Variants in TJP1 observed in about 807,000 individuals in gnomAD.
TJP1 encodes the protein tight junction protein ZO-1.
TJP1 carries 43 observed loss-of-function variants against 194.2 expected under a neutral mutation model. That is an observed-to-expected ratio of 0.22 (90% confidence interval 0.17 to 0.29). The LOEUF (loss-of-function observed/expected upper bound fraction) is 0.29, where lower values mean the gene tolerates loss of function less well. Among genes scored for constraint, TJP1 ranks in the 10% least tolerant of loss-of-function variants. The pLI is 1.00. For synonymous variants in TJP1, 801 were observed against 779.0 expected (o/e 1.03, Z -0.47); for missense variants, 1,971 against 2,185.7 (o/e 0.90, Z 1.96).
At chr15:29,741,006 ATTTTT>A in intron 10 of TJP1, 1 of 173,336 alleles carries the variant, frequency 5.8e-6, no homozygotes, top group Non-Finnish European at 1.1e-5. Context: ...AGAAACACTG[ATTTTT>A]TTTTTTTTTT....
At chr15:29,892,315 AAAG>A (rs2053338578) in intron 2 of TJP1, among the ~76,000 whole-genome samples, 1 of 152,228 alleles carries the variant, frequency 6.6e-6, no homozygotes, top group Non-Finnish European at 1.5e-5. Flanking sequence ...AGGTTTAAGG[AAAG>A]AAGCCATCTC....
At chr15:29,944,283 G>A (rs2055196772) in intron 2 of TJP1, among the ~76,000 whole-genome samples, 1 of 151,646 alleles carries the variant, frequency 6.6e-6, no homozygotes, top group South Asian at 2.1e-4. Context: ...TTTTAGTAGA[G>A]ACGGGGTTTC....
intron 1 of TJP1, among the ~76,000 whole-genome samples, chr15:29,967,311 C>T (rs1006731752): frequency 4.0e-5 from 6 of 151,802 alleles, no homozygotes; most frequent in Non-Finnish European, 8.8e-5. Flanking sequence ...GCTGGGATTA[C>T]AGGTGTGAGC....
intron 22 of TJP1, 130 bp from the exon 23 acceptor site, chr15:29,716,968 G>T: frequency 2.6e-6 from 2 of 782,870 alleles, no homozygotes; most frequent in Non-Finnish European, 4.0e-6. Flanking sequence ...GAGGATCTGA[G>T]CAGTCCCAAC....
At chr15:29,886,444 C>A (rs1464053522) in intron 2 of TJP1, among the ~76,000 whole-genome samples, 1 of 151,536 alleles carries the variant, frequency 6.6e-6, no homozygotes, top group Non-Finnish European at 1.5e-5. Flanking sequence ...TAAACAATTA[C>A]ATTTAATTTA....
chr15:29,745,509 G>T (rs1340753640), intron 8 of TJP1, among the ~76,000 whole-genome samples: 1 of 152,212 alleles, frequency 6.6e-6, no homozygotes, highest in Admixed American at 6.5e-5. Context: ...TAGAAATTCG[G>T]AAGCCATAAA....
Position 29,968,679 on chromosome 15 carries a change from T to C in TJP1, c.161A>G (p.Lys54Arg), listed in dbSNP as rs771457099. The C allele has an allele frequency of 1.9e-5, 22 of 1,128,208 alleles. No individual in the cohort carries two copies. In the South Asian group the frequency reaches 4.0e-4, roughly 21 times the overall value. The allele number at this position is 1,128,208 out of a possible 1,614,324, so 69.9% of individuals were successfully genotyped here. A position where few individuals can be genotyped will look rare whatever the true frequency, so the allele number is the denominator to read the frequency against. ...GCGGCCGCCTCACCACAGCTTCCTC[T>C]TGAGCGGCAGGAGGCTGCCGCGGTT... Residue 54 changes from lysine to arginine, a missense_variant, in exon 1 of 29, where the codon AAG becomes AGG. By Grantham distance (26) the Lys-to-Arg change is conservative (BLOSUM62 2). Transcript: ENST00000356107.
intron 16 of TJP1, 120 bp from the exon 17 acceptor site, chr15:29,727,111 A>T: frequency 1.2e-6 from 1 of 811,200 alleles, no homozygotes; most frequent in African/African-American, 1.7e-5. Flanking sequence ...TGGGAGGTCG[A>T]GGTGGGTGAA....
chr15:29,891,841 T>A (rs759425900), intron 2 of TJP1, among the ~76,000 whole-genome samples: 10 of 152,292 alleles, frequency 6.6e-5, no homozygotes, highest in Admixed American at 2.0e-4. Flanking sequence ...TTCCCTGAGA[T>A]ACAACATTAT....
chr15:29,726,853 A>G lies in TJP1; in HGVS notation c.2239T>C (p.Ser747Pro). ...KTMRMRLCPE[S>P]RKSARKLYER... ...TATAACTTCCTGGCACTTTTCCGAG[A>G]TTCTGGACATAACCTCATTCTCATT... The change falls in exon 17 of 28, where the codon TCT becomes CCT. Residue 747 changes from serine to proline, a missense_variant. Around this residue, in one of 5 missense-constraint regions of TJP1, gnomAD observed 402 missense variants for 484.2 expected, o/e 0.83. Transcript: ENST00000614355. 1 of 1,614,170 alleles carries G rather than the reference A, an allele frequency of 6.2e-7. No individual in the cohort carries two copies. The highest frequency in any genetic ancestry group is 1.7e-5 in the Admixed American group (1 of 60,020).
chr15:29,823,509 A>C (rs1400946383), upstream of TJP1: 2 of 152,248 alleles, frequency 1.3e-5, no homozygotes, highest in Non-Finnish European at 2.9e-5. Context: ...GAAGAAATGG[A>C]AGAAATCATA....
intron 2 of TJP1, among the ~76,000 whole-genome samples, chr15:29,871,116 A>G (rs185623641): frequency 1.3e-3 from 205 of 152,270 alleles, no homozygotes; most frequent in Non-Finnish European, 2.3e-3. Context: ...ATACTCCTCT[A>G]AAGACGGCAC....
intron 2 of TJP1, among the ~76,000 whole-genome samples, chr15:29,897,508 G>A (rs1467793057): frequency 6.6e-6 from 1 of 152,222 alleles, no homozygotes; most frequent in African/African-American, 2.4e-5. Flanking sequence ...CCCTACTGGG[G>A]CACTGCCTAG....
intron 18 of TJP1, among the ~76,000 whole-genome samples, chr15:29,722,774 G>A (rs1015621473): frequency 2.0e-5 from 3 of 152,210 alleles, no homozygotes; most frequent in Non-Finnish European, 4.4e-5. Context: ...GGAGCTGCAG[G>A]GGCTGTGCCC....
At chr15:29,968,554 G>A in intron 1 of TJP1, 3 of 807,286 alleles carry the variant, frequency 3.7e-6, no homozygotes, top group Non-Finnish European at 4.5e-6. Context: ...CCCGACAGTC[G>A]CGGCCTCGCC....
At chr15:29,720,176 C>T (rs1046468122) in intron 19 of TJP1, 160 bp from the exon 20 acceptor site, 1 of 1,132,078 alleles carries the variant, frequency 8.8e-7, no homozygotes, top group Non-Finnish European at 1.2e-6. Flanking sequence ...AAATCCAGTA[C>T]ATTGCTGTGT....
intron 18 of TJP1, among the ~76,000 whole-genome samples, chr15:29,724,017 A>G (rs2043090175): frequency 6.6e-6 from 1 of 152,238 alleles, no homozygotes; most frequent in South Asian, 2.1e-4. Context: ...ATGAAGGACA[A>G]ACATGAAACT....
chr15:29,780,410 A>C (rs962622979), intron 2 of TJP1, among the ~76,000 whole-genome samples: 6 of 152,062 alleles, frequency 3.9e-5, no homozygotes, highest in African/African-American at 1.4e-4. Context: ...TCCTGTGAGA[A>C]TGTGATGCCG....
chr15:29,719,718 T>C lies in TJP1; in HGVS notation c.3003+59A>G, dbSNP rs16955709. 3.8e-4 allele frequency: 592 copies of C among 1,568,788 alleles called. 2 individuals carry two copies. The African/African-American group carries it at 7.2e-3, about 19-fold the overall frequency. On this transcript the variant is annotated intron_variant, in intron 20 of 27. Coordinates refer to ENST00000614355, the MANE Select transcript of TJP1 (RefSeq NM_001330239.4). ...GAACACTTAAAGGGCAAAGCAAAAA[T>C]GATCATGTGCCAGATTGATGGACAG... is the stretch of plus-strand genomic sequence containing the variant.
Sources: allele counts gnomAD v4.1 joint callset (sites outside exome capture counted in the v4.1 genomes callset), GRCh38; gene constraint gnomAD v4.1.1; regional missense constraint gnomAD v4.1.1; transcripts MANE v1.5; gene names NCBI Gene and HGNC (gene_info 2026-07-23, HGNC 2026-07-21).